HHLA2: variants seen among roughly 807,000 people sequenced by gnomAD.
The protein encoded by HHLA2 is HHLA2 member of B7 family, also known as HERV-H LTR-associating protein 2.
Under a neutral mutation model 45.9 loss-of-function variants are expected in HHLA2, and 48 were observed. The observed-to-expected ratio is 1.05, with a 90% CI of 0.83 to 1.33. HHLA2 has a LOEUF of 1.33. Among genes scored for constraint, HHLA2 ranks in the 40% most tolerant of loss-of-function variants. HHLA2 has a pLI of 0.00. For missense variants in HHLA2, 462 were observed against 494.3 expected (o/e 0.93, Z 0.62); for synonymous variants, 161 against 173.9 (o/e 0.93, Z 0.59).
chr3:108,319,703 A>G (rs1016306692), intron 2 of HHLA2, among the ~76,000 whole-genome samples: 2 of 152,234 alleles, frequency 1.3e-5, no homozygotes, highest in Non-Finnish European at 2.9e-5. Flanking sequence ...TCATACTCCT[A>G]TTAATGCAAG....
intron 1 of HHLA2, among the ~76,000 whole-genome samples, chr3:108,309,552 A>C (rs1012693946): frequency 1.3e-5 from 2 of 151,886 alleles, no homozygotes; most frequent in Non-Finnish European, 2.9e-5. Context: ...TGTGACCTTG[A>C]CAGTTTTGAG....
chr3:108,342,967 T>C (rs1388376995), intron 3 of HHLA2, among the ~76,000 whole-genome samples: 1 of 152,220 alleles, frequency 6.6e-6, no homozygotes, highest in African/African-American at 2.4e-5. Flanking sequence ...GATTTGTTTA[T>C]GTAATTCACC....
At chr3:108,360,768 G>A (rs573549193) in intron 7 of HHLA2, among the ~76,000 whole-genome samples, 30 of 152,306 alleles carry the variant, frequency 2.0e-4, no homozygotes, top group Admixed American at 7.8e-4. Context: ...ATTTGGTTAT[G>A]TTTGGACTAC....
chr3:108,369,685 G>A (rs1446223863), intron 8 of HHLA2, among the ~76,000 whole-genome samples: 1 of 152,192 alleles, frequency 6.6e-6, no homozygotes, highest in South Asian at 2.1e-4. Flanking sequence ...TGACTCAGAG[G>A]GTCCTACACC....
At chr3:108,366,489 T>C (rs1395746582) in intron 8 of HHLA2, among the ~76,000 whole-genome samples, 1 of 152,232 alleles carries the variant, frequency 6.6e-6, no homozygotes, top group African/African-American at 2.4e-5. Flanking sequence ...GATGCTGGCC[T>C]TATAAAATGG....
At chr3:108,342,581 A>C (rs944931786) in intron 3 of HHLA2, among the ~76,000 whole-genome samples, 1 of 151,960 alleles carries the variant, frequency 6.6e-6, no homozygotes, top group Non-Finnish European at 1.5e-5. Flanking sequence ...CTTTTACTCA[A>C]CCACTGTAAT....
intron 8 of HHLA2, among the ~76,000 whole-genome samples, chr3:108,366,646 A>G (rs1268859782): frequency 1.3e-5 from 2 of 152,086 alleles, no homozygotes; most frequent in African/African-American, 4.8e-5. Context: ...TACTGCTTCA[A>G]TTTCAGAACT....
intron 3 of HHLA2, among the ~76,000 whole-genome samples, chr3:108,350,215 G>A (rs2081751903): frequency 6.6e-6 from 1 of 151,988 alleles, no homozygotes; most frequent in Non-Finnish European, 1.5e-5. Flanking sequence ...ATACTATTTT[G>A]GAGCAGTTTT....
intron 3 of HHLA2, among the ~76,000 whole-genome samples, chr3:108,347,709 GGCTTTGGA>G: frequency 6.6e-6 from 1 of 152,272 alleles, no homozygotes; most frequent in South Asian, 2.1e-4. Context: ...AAGGGATAGT[GGCTTTGGA>G]GCAGGATGGT....
chr3:108,347,316 T>C (rs1047828151), intron 3 of HHLA2, among the ~76,000 whole-genome samples: 9 of 152,196 alleles, frequency 5.9e-5, no homozygotes, highest in Non-Finnish European at 1.0e-4. Flanking sequence ...GTTACTGTAA[T>C]TTCTCACTTT....
intron 3 of HHLA2, among the ~76,000 whole-genome samples, chr3:108,342,466 T>C (rs2081590886): frequency 6.6e-6 from 1 of 152,048 alleles, no homozygotes; most frequent in Non-Finnish European, 1.5e-5. Flanking sequence ...GGTTTCGCCA[T>C]GTTGACCAGG....
At chr3:108,333,107 C>T (rs978218211) in intron 3 of HHLA2, among the ~76,000 whole-genome samples, 3 of 152,160 alleles carry the variant, frequency 2.0e-5, no homozygotes, top group African/African-American at 4.8e-5. Context: ...GTACATCTAT[C>T]ACCCTCAGGC....
intron 3 of HHLA2, among the ~76,000 whole-genome samples, chr3:108,331,246 C>T (rs899903590): frequency 6.6e-6 from 1 of 152,112 alleles, no homozygotes; most frequent in African/African-American, 2.4e-5. Flanking sequence ...TTGACTCAAT[C>T]TCTATGGGGA....
chr3:108,351,693 C>A, intron 3 of HHLA2, 95 bp from the exon 3 acceptor site: 1 of 698,050 alleles, frequency 1.4e-6, no homozygotes, highest in African/African-American at 1.8e-5. Context: ...TATTTAATGG[C>A]CACAAAACAA....
At chr3:108,377,475 C>T in exon 11 of HHLA2, 2 of 571,122 alleles carry the variant, frequency 3.5e-6, no homozygotes, top group Middle Eastern at 5.4e-4. Flanking sequence ...CACTGACCCA[C>T]TACCTGCATT....
chr3:108,340,260 T>C (rs970502441), intron 3 of HHLA2, among the ~76,000 whole-genome samples: 1 of 152,212 alleles, frequency 6.6e-6, no homozygotes, highest in Non-Finnish European at 1.5e-5. Flanking sequence ...AGCTGATCTT[T>C]AGACAGTAAG....
At chr3:108,369,037 T>A (rs140385124) in intron 8 of HHLA2, among the ~76,000 whole-genome samples, 3 of 152,140 alleles carry the variant, frequency 2.0e-5, no homozygotes, top group African/African-American at 7.2e-5. Flanking sequence ...CAGGCTACAG[T>A]GCAATCAAAT....
At chr3:108,343,266 A>G (rs2081606855) in intron 3 of HHLA2, among the ~76,000 whole-genome samples, 1 of 152,204 alleles carries the variant, frequency 6.6e-6, no homozygotes, top group South Asian at 2.1e-4. Flanking sequence ...TTCTGAAGCA[A>G]TGAAGCTTTA....
intron 3 of HHLA2, among the ~76,000 whole-genome samples, chr3:108,333,889 T>C (rs2081428934): frequency 6.6e-6 from 1 of 152,160 alleles, no homozygotes; most frequent in Non-Finnish European, 1.5e-5. Context: ...GCTCAAAAGA[T>C]TGTAAGAGCT....
Sources: allele counts gnomAD v4.1 joint callset (sites outside exome capture counted in the v4.1 genomes callset), GRCh38; gene constraint gnomAD v4.1.1; transcripts MANE v1.5; gene names NCBI Gene and HGNC (gene_info 2026-07-23, HGNC 2026-07-21).